The following STXBP5 variants were observed in gnomAD, a reference collection of about 807,000 sequenced individuals.
STXBP5 encodes the protein syntaxin binding protein 5, also known as syntaxin-binding protein 5.
Under a neutral mutation model 152.4 loss-of-function variants are expected in STXBP5, and 50 were observed. The observed-to-expected ratio is 0.33, with a 90% CI of 0.26 to 0.42. STXBP5 has a LOEUF of 0.42. Ranked by LOEUF, STXBP5 falls within the 10% of genes least tolerant of loss-of-function variation. The probability of loss-of-function intolerance (pLI) is 1.00; values close to 1 mark genes in which losing one functional copy is unlikely to be tolerated. For synonymous variants in STXBP5, 492 were observed against 494.7 expected (o/e 0.99, Z 0.07); for missense variants, 1,167 against 1,388.6 (o/e 0.84, Z 2.54).
At chr6:147,238,780 G>A (rs2115197281) in intron 3 of STXBP5, among the ~76,000 whole-genome samples, 1 of 152,240 alleles carries the variant, frequency 6.6e-6, no homozygotes, top group Middle Eastern at 3.4e-3. Flanking sequence ...TAAGCCAAAT[G>A]AAATGTGGAG....
At chr6:147,376,394 A>G (rs1458887563) in intron 26 of STXBP5, among the ~76,000 whole-genome samples, 1 of 152,230 alleles carries the variant, frequency 6.6e-6, no homozygotes. Flanking sequence ...AAAGAGAGAG[A>G]GAATACAAAG....
At chr6:147,236,778 CTTT>C (rs796882567) in intron 3 of STXBP5, among the ~76,000 whole-genome samples, 3 of 135,858 alleles carry the variant, frequency 2.2e-5, no homozygotes, top group Admixed American at 7.4e-5. Context: ...CCTGTTCTGT[CTTT>C]TTTTTTTTTT....
At position 147,364,171 on chromosome 6, in the gene STXBP5, T is replaced by G; in HGVS notation, c.3081+5T>G. The G allele has an allele frequency of 1.2e-6, 2 of 1,609,422 alleles. No homozygotes were observed. The highest frequency in any genetic ancestry group is 2.2e-5 in the South Asian group (2 of 90,752). Reference sequence around the variant, plus strand: ...GAGACCTGTGAAAATCTTCAGGTAATTAATAAAAATATTACTGTAATTTCT... The same window carrying G: ...GAGACCTGTGAAAATCTTCAGGTAAGTAATAAAAATATTACTGTAATTTCT... On this transcript the variant is annotated splice_donor_5th_base_variant and intron_variant, in intron 25 of 27. Transcript: ENST00000321680.
At chr6:147,222,217 C>T (rs1777495390) in intron 2 of STXBP5, among the ~76,000 whole-genome samples, 1 of 152,126 alleles carries the variant, frequency 6.6e-6, no homozygotes, top group Non-Finnish European at 1.5e-5. Flanking sequence ...GTTTTAAATT[C>T]CTAGTCTGAT....
chr6:147,310,071 A>G lies in STXBP5; in HGVS notation c.918-13A>G, dbSNP rs1455644837. ...TATGCCATTAATAATCTTAATATGT[A>G]TTTTATTTCCAGGGAGCCTTTTATT... On this transcript the variant is annotated splice_polypyrimidine_tract_variant and intron_variant, in intron 9 of 27. Transcript: ENST00000321680. 3.3e-6 allele frequency: 5 copies of G among 1,495,782 alleles called. No individual in the cohort carries two copies. In the African/African-American group the frequency reaches 7.1e-5, roughly 21 times the overall value. 92.7% of individuals were successfully genotyped at this position (1,495,782 alleles called of 1,614,324 possible). A position where few individuals can be genotyped will look rare whatever the true frequency, so the allele number is the denominator to read the frequency against.
intron 9 of STXBP5, among the ~76,000 whole-genome samples, chr6:147,303,048 A>G (rs1027464069): frequency 1.8e-4 from 27 of 152,198 alleles, no homozygotes; most frequent in Non-Finnish European, 5.9e-5. Flanking sequence ...ACAAATTGCC[A>G]TATTGCTTTT....
intron 8 of STXBP5, among the ~76,000 whole-genome samples, chr6:147,283,396 C>T (rs934995175): frequency 2.0e-5 from 3 of 152,148 alleles, no homozygotes; most frequent in African/African-American, 7.2e-5. Flanking sequence ...TCATCACAAA[C>T]CTTTCCCCAG....
chr6:147,288,956 C>G (rs1467508527), intron 8 of STXBP5, among the ~76,000 whole-genome samples: 1 of 152,240 alleles, frequency 6.6e-6, no homozygotes, highest in African/African-American at 2.4e-5. Flanking sequence ...TGAACACGTG[C>G]AGTGTGTTTA....
intron 22 of STXBP5, among the ~76,000 whole-genome samples, chr6:147,354,188 A>G (rs751612890): frequency 2.6e-5 from 4 of 152,130 alleles, no homozygotes; most frequent in Admixed American, 1.3e-4. Flanking sequence ...TTTCTTGACT[A>G]TGTTTGCTAT....
At chr6:147,312,229 A>T (rs1782420340) in intron 11 of STXBP5, among the ~76,000 whole-genome samples, 1 of 152,118 alleles carries the variant, frequency 6.6e-6, no homozygotes. Flanking sequence ...TCTGTTTACC[A>T]GATGTATTAT....
intron 19 of STXBP5, among the ~76,000 whole-genome samples, chr6:147,335,064 A>G (rs1289258433): frequency 6.6e-6 from 1 of 152,136 alleles, no homozygotes. Flanking sequence ...TGCCTTTTAC[A>G]ATTGCATTTT....
chr6:147,284,664 G>A (rs1351809077), intron 8 of STXBP5, among the ~76,000 whole-genome samples: 1 of 152,194 alleles, frequency 6.6e-6, no homozygotes, highest in African/African-American at 2.4e-5. Context: ...GCAGGGCAAA[G>A]TTATCTTAGA....
chr6:147,311,666 A>G, intron 11 of STXBP5, 139 bp downstream of exon 11: 1 of 593,554 alleles, frequency 1.7e-6, no homozygotes, highest in Non-Finnish European at 2.9e-6. Context: ...AGAGCTCCAG[A>G]CTCACATATC....
Position 147,278,074 on chromosome 6 carries a change from T to A in STXBP5, c.715-7T>A. ...TTTTTTAAATGGTATTTTTCATCCT[T>A]CTATAGGCTATCCACTCTGTTGCTT... On this transcript the variant is annotated splice_polypyrimidine_tract_variant and splice_region_variant and intron_variant, in intron 7 of 27. Coordinates refer to ENST00000321680, the MANE Select transcript of STXBP5 (RefSeq NM_001127715.4). 1 of 1,610,052 alleles carries A rather than the reference T, an allele frequency of 6.2e-7. No homozygotes were observed. Among genetic ancestry groups the A allele is most frequent in the Non-Finnish European group, 8.5e-7 (1 of 1,177,360 alleles).
Position 147,210,924 on chromosome 6 carries a change from G to A in STXBP5, c.248+4856G>A, listed in dbSNP as rs905389191. On this transcript the variant is annotated intron_variant, in intron 2 of 27. Transcript: ENST00000321680. ...GCGAATACTGAGTGGCAACTGTGTA[G>A]GAAGGACTTCATTTCATTTATTTTT... Among the ~76,000 whole-genome samples, 3 of 152,118 alleles carry A rather than the reference G, an allele frequency of 2.0e-5. No individual in the cohort carries two copies. In the South Asian group the frequency reaches 6.2e-4, roughly 32 times the overall value.
In STXBP5 at chr6:147,365,952, T is replaced by C. The variant is rs114818919; in HGVS notation, c.3081+1786T>C. Among the ~76,000 whole-genome samples the C allele has an allele frequency of 8.3e-3, 1,264 of 152,240 alleles. 20 individuals are homozygous for C. The highest frequency in any genetic ancestry group is 0.029 in the African/African-American group (1,214 of 41,550). ...AAAGCAGACAGAACTCATGAAACAA[T>C]GGTTTTCAAATTACTGGACATCTGG... On this transcript the variant is annotated intron_variant, in intron 25 of 27. Coordinates refer to ENST00000321680, the MANE Select transcript of STXBP5 (RefSeq NM_001127715.4).
chr6:147,331,023 C>T (rs903036992), intron 18 of STXBP5, among the ~76,000 whole-genome samples: 6 of 152,190 alleles, frequency 3.9e-5, no homozygotes, highest in African/African-American at 1.4e-4. Context: ...TTACAGAAAA[C>T]ATTTGCCAGC....
At chr6:147,255,501 TTTGTTGTTGTTGTTG>T (rs138694030) in intron 4 of STXBP5, among the ~76,000 whole-genome samples, 1 of 151,040 alleles carries the variant, frequency 6.6e-6, no homozygotes, top group Non-Finnish European at 1.5e-5. Context: ...TTTGTTCCTT[TTTGTTGTTGTTGTTG>T]TTGTTGTTGT....
chr6:147,255,633 T>G (rs1404094281), intron 4 of STXBP5, among the ~76,000 whole-genome samples: 1 of 152,082 alleles, frequency 6.6e-6, no homozygotes, highest in Non-Finnish European at 1.5e-5. Context: ...TCCTCCTGCC[T>G]CAGCCTCCTG....
Sources: allele counts gnomAD v4.1 joint callset (sites outside exome capture counted in the v4.1 genomes callset), GRCh38; gene constraint gnomAD v4.1.1; transcripts MANE v1.5; gene names NCBI Gene and HGNC (gene_info 2026-07-23, HGNC 2026-07-21).